Variants in KCNH5 observed in about 807,000 individuals in gnomAD.
The protein encoded by KCNH5 is voltage-gated delayed rectifier potassium channel KCNH5.
In KCNH5, 46 loss-of-function variants were observed where a neutral mutation model predicts 96.1. The observed-to-expected ratio is 0.48, with a 90% CI of 0.38 to 0.61. The LOEUF is 0.61. Among genes scored for constraint, KCNH5 ranks in the 20% least tolerant of loss-of-function variants. The probability of loss-of-function intolerance (pLI) is 0.00; values close to 1 mark genes in which losing one functional copy is unlikely to be tolerated. For missense variants in KCNH5, 907 were observed against 1,225.8 expected (o/e 0.74, Z 3.88); for synonymous variants, 439 against 449.8 (o/e 0.98, Z 0.30).
chr14:62,802,225 C>T, intron 9 of KCNH5, 104 bp downstream of exon 9: 12 of 1,199,234 alleles, frequency 1.0e-5, no homozygotes, highest in Non-Finnish European at 1.2e-5. Flanking sequence ...GACCCAATTT[C>T]CAAAGTTACC....
At chr14:62,980,310 G>A (rs760170911) in intron 6 of KCNH5, among the ~76,000 whole-genome samples, 1 of 152,140 alleles carries the variant, frequency 6.6e-6, no homozygotes, top group Non-Finnish European at 1.5e-5. Flanking sequence ...AAGCTATGAG[G>A]AAGAAACCAA....
At chr14:62,726,705 A>G (rs1884933428) in intron 10 of KCNH5, among the ~76,000 whole-genome samples, 1 of 152,228 alleles carries the variant, frequency 6.6e-6, no homozygotes, top group Non-Finnish European at 1.5e-5. Context: ...AGTATCTACT[A>G]AAGCTGAAGA....
intron 8 of KCNH5, among the ~76,000 whole-genome samples, chr14:62,835,665 T>G (rs1333230953): frequency 6.6e-6 from 1 of 152,060 alleles, no homozygotes; most frequent in East Asian, 1.9e-4. Context: ...ACACTAACAT[T>G]CACATTTTTT....
intron 7 of KCNH5, among the ~76,000 whole-genome samples, chr14:62,909,822 G>C (rs1334479712): frequency 6.6e-6 from 1 of 152,070 alleles, no homozygotes; most frequent in Admixed American, 6.5e-5. Context: ...ATCTAACTGA[G>C]AGTACAAACC....
At chr14:62,997,664 G>A (rs748022401) in intron 4 of KCNH5, among the ~76,000 whole-genome samples, 63 of 151,886 alleles carry the variant, frequency 4.1e-4, no homozygotes, top group Non-Finnish European at 6.9e-4. Flanking sequence ...TTGGAAGGCC[G>A]AGGCAGGCAG....
At chr14:62,770,098 G>C (rs1166971461) in intron 10 of KCNH5, among the ~76,000 whole-genome samples, 4 of 152,134 alleles carry the variant, frequency 2.6e-5, no homozygotes, top group Admixed American at 2.0e-4. Context: ...ATTGTGGGGA[G>C]GGTGGGTGAA....
intron 7 of KCNH5, among the ~76,000 whole-genome samples, chr14:62,850,718 C>T (rs1887786947): frequency 6.6e-6 from 1 of 152,134 alleles, no homozygotes. Context: ...TCAGCCTAAA[C>T]TGAACAAACT....
chr14:63,005,463 C>G (rs891277294), intron 3 of KCNH5, among the ~76,000 whole-genome samples: 3 of 152,116 alleles, frequency 2.0e-5, no homozygotes, highest in Admixed American at 6.6e-5. Context: ...CCTGTTGAAG[C>G]GAGAATGTTT....
intron 7 of KCNH5, among the ~76,000 whole-genome samples, chr14:62,945,719 C>T (rs74823803): frequency 0.092 from 13,978 of 151,896 alleles, 2,199 homozygotes; most frequent in African/African-American, 0.32. Flanking sequence ...TCTGTAGAGG[C>T]GATACCGTGG....
intron 8 of KCNH5, among the ~76,000 whole-genome samples, chr14:62,847,153 T>TATA (rs1555359854): frequency 4.1e-4 from 61 of 147,078 alleles, no homozygotes; most frequent in Middle Eastern, 3.6e-3. Context: ...TATATATTTT[T>TATA]TATATATATA....
chr14:62,798,438 T>A (rs1360601229), intron 9 of KCNH5, among the ~76,000 whole-genome samples: 3 of 152,016 alleles, frequency 2.0e-5, no homozygotes, highest in African/African-American at 7.2e-5. Context: ...TACCAACAAA[T>A]CTGTTCACAT....
At chr14:63,029,197 T>A (rs558618236) in intron 1 of KCNH5, among the ~76,000 whole-genome samples, 37 of 152,300 alleles carry the variant, frequency 2.4e-4, no homozygotes, top group Non-Finnish European at 4.6e-4. Flanking sequence ...CTACTTTATA[T>A]GAGATGTTAT....
At chr14:62,879,116 A>G (rs540901745) in intron 7 of KCNH5, among the ~76,000 whole-genome samples, 26 of 152,254 alleles carry the variant, frequency 1.7e-4, no homozygotes, top group African/African-American at 5.5e-4. Context: ...AACAATTATC[A>G]AAATCATTAG....
Position 62,897,945 on chromosome 14 carries a change from A to G in KCNH5, c.1370-48093T>C, listed in dbSNP as rs148391619. Among the ~76,000 whole-genome samples the G allele has an allele frequency of 9.2e-4, 140 of 152,264 alleles. No homozygotes were observed. The East Asian group carries it at 0.024, about 26-fold the overall frequency. On this transcript the variant is annotated intron_variant, in intron 7 of 10. Coordinates refer to ENST00000322893, the MANE Select transcript of KCNH5 (RefSeq NM_139318.5). ...TAACCACAGAGGAAAAAAAACTTAA[A>G]TGTTTTAATTTGGATGTGAAAATTT...
At chr14:62,778,426 C>T (rs1047210440) in intron 10 of KCNH5, among the ~76,000 whole-genome samples, 3 of 152,218 alleles carry the variant, frequency 2.0e-5, no homozygotes, top group African/African-American at 7.2e-5. Flanking sequence ...AGTCAACTAC[C>T]AAACAGGTTG....
At chr14:62,902,180 A>C (rs903540416) in intron 7 of KCNH5, among the ~76,000 whole-genome samples, 2 of 151,932 alleles carry the variant, frequency 1.3e-5, no homozygotes, top group African/African-American at 4.8e-5. Flanking sequence ...TACTCAGTTG[A>C]TGGTTTCTTT....
At chr14:62,718,903 C>A (rs1244542241) in intron 10 of KCNH5, among the ~76,000 whole-genome samples, 1 of 152,104 alleles carries the variant, frequency 6.6e-6, no homozygotes, top group East Asian at 1.9e-4. Context: ...ACACATAATG[C>A]AATGTAGAGA....
At chr14:63,032,367 G>A (rs1891645552) in intron 1 of KCNH5, among the ~76,000 whole-genome samples, 1 of 152,158 alleles carries the variant, frequency 6.6e-6, no homozygotes, top group African/African-American at 2.4e-5. Flanking sequence ...TGGGGCTTCA[G>A]TGAGGAAGAA....
intron 10 of KCNH5, among the ~76,000 whole-genome samples, chr14:62,728,873 G>T (rs1884991447): frequency 6.6e-6 from 1 of 152,206 alleles, no homozygotes; most frequent in Non-Finnish European, 1.5e-5. Context: ...GGGGCAGAGA[G>T]ACACAGTTAG....
Sources: allele counts gnomAD v4.1 joint callset (sites outside exome capture counted in the v4.1 genomes callset), GRCh38; gene constraint gnomAD v4.1.1; transcripts MANE v1.5; gene names NCBI Gene and HGNC (gene_info 2026-07-23, HGNC 2026-07-21).